SHROOM3: variants seen among roughly 807,000 people sequenced by gnomAD.
SHROOM3 encodes the protein shroom family member 3.
In SHROOM3, 47 loss-of-function variants were observed where a neutral mutation model predicts 138.6. The ratio of observed to expected loss-of-function variants is 0.34; its 90% CI spans 0.27 to 0.43. The LOEUF (loss-of-function observed/expected upper bound fraction) is 0.43, where lower values mean the gene tolerates loss of function less well. SHROOM3 is among the 20% of genes least tolerant of loss of function. The probability of loss-of-function intolerance (pLI) is 1.00; values close to 1 mark genes in which losing one functional copy is unlikely to be tolerated. For synonymous variants in SHROOM3, 1,062 were observed against 1,063.3 expected (o/e 1.00, Z 0.02); for missense variants, 2,491 against 2,596.5 (o/e 0.96, Z 0.88).
At chr4:76,637,855 G>A (rs72661474) in intron 2 of SHROOM3, among the ~76,000 whole-genome samples, 14,318 of 152,188 alleles carry the variant, frequency 0.094, 671 homozygotes, top group East Asian at 0.14. Context: ...TTGGGAGGGA[G>A]GATGAAGGGA....
At chr4:76,758,606 CA>C (rs1243808169) in intron 8 of SHROOM3, 1 of 151,990 alleles carries the variant, frequency 6.6e-6, no homozygotes, top group East Asian at 1.9e-4. Flanking sequence ...AAAACAAAAA[CA>C]AACAAAAATG....
intron 1 of SHROOM3, among the ~76,000 whole-genome samples, chr4:76,507,915 T>C (rs1732247464): frequency 6.6e-6 from 1 of 152,182 alleles, no homozygotes; most frequent in Non-Finnish European, 1.5e-5. Context: ...TGAATTGTCT[T>C]TTTATTGTTG....
intron 1 of SHROOM3, among the ~76,000 whole-genome samples, chr4:76,533,393 G>T (rs1732873524): frequency 6.6e-6 from 1 of 152,188 alleles, no homozygotes; most frequent in South Asian, 2.1e-4. Flanking sequence ...AGGAAGATTA[G>T]TGATTTCCCA....
chr4:76,629,147 G>A (rs1488610744), intron 2 of SHROOM3, among the ~76,000 whole-genome samples: 2 of 152,160 alleles, frequency 1.3e-5, no homozygotes, highest in Non-Finnish European at 2.9e-5. Context: ...CGCCCAGCTG[G>A]TTGTAATTTT....
intron 2 of SHROOM3, among the ~76,000 whole-genome samples, chr4:76,708,669 C>T (rs571392507): frequency 4.3e-4 from 66 of 152,226 alleles, no homozygotes; most frequent in Middle Eastern, 3.4e-3. Flanking sequence ...TGTTCCTATG[C>T]GTGCATTATA....
intron 10 of SHROOM3, among the ~76,000 whole-genome samples, chr4:76,775,819 A>G (rs947921954): frequency 1.3e-5 from 2 of 148,514 alleles, no homozygotes; most frequent in Admixed American, 1.3e-4. Context: ...ATATATATAC[A>G]CACACACACA....
chr4:76,625,286 T>C (rs895168230), intron 2 of SHROOM3, among the ~76,000 whole-genome samples: 1 of 152,226 alleles, frequency 6.6e-6, no homozygotes, highest in Admixed American at 6.5e-5. Flanking sequence ...AAATATTCTG[T>C]TTTCAAATTT....
chr4:76,729,524 T>G (rs2110127842), intron 3 of SHROOM3, among the ~76,000 whole-genome samples: 1 of 152,340 alleles, frequency 6.6e-6, no homozygotes, highest in South Asian at 2.1e-4. Flanking sequence ...TTTTGTTTTG[T>G]TTTTAAGTCA....
chr4:76,739,582 TACCTTCCCTGGAGCC>T lies in SHROOM3; in HGVS notation c.1412_1426del (p.Pro471_Pro475del). The T allele has an allele frequency of 6.2e-7, 1 of 1,614,140 alleles. No individual in the cohort carries two copies. The highest frequency in any genetic ancestry group is 8.5e-7 in the Non-Finnish European group (1 of 1,180,014). ...CTGCTGCCGACCAGCATCTACCCGGTACCTTCCCTGGAGCCACACTTTGCCCAGGTGCCTCAGCCT... is the reference window on the plus strand; with the variant it reads ...CTGCTGCCGACCAGCATCTACCCGGTACACTTTGCCCAGGTGCCTCAGCCT... On this transcript the variant is annotated inframe_deletion, in exon 5 of 11. Coordinates refer to ENST00000296043, the MANE Select transcript of SHROOM3 (RefSeq NM_020859.4).
At chr4:76,722,847 T>C (rs1720590121) in intron 3 of SHROOM3, among the ~76,000 whole-genome samples, 1 of 152,244 alleles carries the variant, frequency 6.6e-6, no homozygotes, top group South Asian at 2.1e-4. Flanking sequence ...TGATGGACTT[T>C]GTCTCATAGT....
chr4:76,756,418 T>C (rs1407375317), intron 7 of SHROOM3, 31 bp from the exon 8 acceptor site: 4 of 465,354 alleles, frequency 8.6e-6, no homozygotes, highest in South Asian at 6.0e-5. Context: ...TCTCTCTCTC[T>C]TTTTTTTTTT....
intron 2 of SHROOM3, among the ~76,000 whole-genome samples, chr4:76,585,806 C>G (rs1329685813): frequency 6.6e-6 from 1 of 152,146 alleles, no homozygotes; most frequent in Admixed American, 6.5e-5. Flanking sequence ...CCTGTCTCTT[C>G]TCCCAGTGTC....
In SHROOM3 at chr4:76,646,460, T is replaced by C. The variant is rs1466772489; in HGVS notation, c.324-63696T>C. Among the ~76,000 whole-genome samples, 3 of 152,012 alleles carry C rather than the reference T, an allele frequency of 2.0e-5. No individual in the cohort carries two copies. The East Asian group carries it at 5.8e-4, about 29-fold the overall frequency. On this transcript the variant is annotated intron_variant, in intron 2 of 10. Coordinates refer to ENST00000296043, the MANE Select transcript of SHROOM3 (RefSeq NM_020859.4). Reference sequence around the variant, plus strand: ...TTCCAGGTTAAGGTCTTTAATTCAATCTTCACCTATTATTCCCATGTCATG... The same window carrying C: ...TTCCAGGTTAAGGTCTTTAATTCAACCTTCACCTATTATTCCCATGTCATG...
At chr4:76,724,647 G>A (rs930757082) in intron 3 of SHROOM3, among the ~76,000 whole-genome samples, 1 of 152,008 alleles carries the variant, frequency 6.6e-6, no homozygotes, top group African/African-American at 2.4e-5. Flanking sequence ...TACTCTTTAC[G>A]TTAATATACA....
intron 2 of SHROOM3, among the ~76,000 whole-genome samples, chr4:76,666,364 T>C (rs943842606): frequency 2.6e-5 from 4 of 152,124 alleles, no homozygotes; most frequent in African/African-American, 9.7e-5. Flanking sequence ...TACCTCCAGG[T>C]CTCAAATGAT....
chr4:76,561,926 G>A (rs767169828), intron 2 of SHROOM3, among the ~76,000 whole-genome samples: 15 of 151,976 alleles, frequency 9.9e-5, no homozygotes, highest in South Asian at 2.1e-4. Context: ...CAGAAGAATC[G>A]CTTGAACCTG....
chr4:76,560,818 G>C (rs75698530), intron 2 of SHROOM3, among the ~76,000 whole-genome samples: 2 of 152,208 alleles, frequency 1.3e-5, no homozygotes, highest in African/African-American at 4.8e-5. Flanking sequence ...GAGACTGCCT[G>C]GGTTTGAAGT....
At chr4:76,745,636 A>C (rs1032935522) in intron 5 of SHROOM3, among the ~76,000 whole-genome samples, 2 of 152,248 alleles carry the variant, frequency 1.3e-5, no homozygotes, top group Non-Finnish European at 1.5e-5. Flanking sequence ...ATAGCTAACA[A>C]TAATCAAATT....
At chr4:76,706,415 A>G (rs918330485) in intron 2 of SHROOM3, among the ~76,000 whole-genome samples, 11 of 152,336 alleles carry the variant, frequency 7.2e-5, no homozygotes, top group Non-Finnish European at 1.5e-5. Context: ...GCCTGGCCGA[A>G]AAGAATGTTA....
Sources: allele counts gnomAD v4.1 joint callset (sites outside exome capture counted in the v4.1 genomes callset), GRCh38; gene constraint gnomAD v4.1.1; transcripts MANE v1.5; gene names NCBI Gene and HGNC (gene_info 2026-07-23, HGNC 2026-07-21).